Variants in N4BP2 observed in about 807,000 individuals in gnomAD.
N4BP2 encodes NEDD4 binding protein 2, also known as NEDD4-binding protein 2.
In N4BP2, 91 loss-of-function variants were observed where a neutral mutation model predicts 152.8. The observed-to-expected ratio is 0.60, with a 90% CI of 0.50 to 0.71. The LOEUF is 0.71. N4BP2 is among the 30% of genes least tolerant of loss of function. The probability of loss-of-function intolerance (pLI) is 0.00; values close to 1 mark genes in which losing one functional copy is unlikely to be tolerated. For synonymous variants in N4BP2, 646 were observed against 705.3 expected (o/e 0.92, Z 1.33); for missense variants, 1,923 against 2,059.1 (o/e 0.93, Z 1.28).
intron 1 of N4BP2, among the ~76,000 whole-genome samples, chr4:40,059,037 T>A (rs1156875175): frequency 6.6e-6 from 1 of 151,904 alleles, no homozygotes; most frequent in Non-Finnish European, 1.5e-5. Context: ...CCCAGGCTGG[T>A]CTCAAACCCC....
At chr4:40,137,229 A>G (rs976750462) in intron 14 of N4BP2, 147 bp downstream of exon 14, 1 of 666,816 alleles carries the variant, frequency 1.5e-6, no homozygotes, top group African/African-American at 1.8e-5. Context: ...TTTGGCTTAT[A>G]ATATCTGTGC....
intron 1 of N4BP2, among the ~76,000 whole-genome samples, chr4:40,069,274 CA>C (rs200845582): frequency 0.021 from 3,127 of 151,880 alleles, 111 homozygotes; most frequent in African/African-American, 0.07. Context: ...TCCGTTTCTA[CA>C]AAAAAATGCA....
chr4:40,147,153 C>T (rs952385233), intron 16 of N4BP2, among the ~76,000 whole-genome samples: 80 of 150,106 alleles, frequency 5.3e-4, no homozygotes, highest in Non-Finnish European at 3.9e-4. Context: ...TTTAACAAAG[C>T]ACATCTTGCA....
intron 1 of N4BP2, among the ~76,000 whole-genome samples, chr4:40,062,300 G>T (rs1034824617): frequency 1.3e-5 from 2 of 151,788 alleles, no homozygotes; most frequent in African/African-American, 4.8e-5. Flanking sequence ...GGATAGTCTC[G>T]ATCTCCTGAC....
intron 17 of N4BP2, 27 bp downstream of exon 17, chr4:40,152,930 A>G (rs1194909769): frequency 1.2e-6 from 2 of 1,609,908 alleles, no homozygotes; most frequent in Non-Finnish European, 1.7e-6. Context: ...GTTATTAATA[A>G]TGGCAACTGC....
chr4:40,144,680 A>G lies in N4BP2; in HGVS notation c.5023A>G (p.Ile1675Val), dbSNP rs1720343799. 4 of 1,613,884 alleles carry G rather than the reference A, an allele frequency of 2.5e-6. No individual in the cohort carries two copies. Among genetic ancestry groups the G allele is most frequent in the South Asian group, 2.2e-5 (2 of 91,018 alleles). Residue 1675 changes from isoleucine (I) to valine (V), a missense_variant, in exon 16 of 18, where the codon ATA (isoleucine) becomes GTA (valine). Ile to Val is a conservative substitution (Grantham distance 29). Coordinates refer to ENST00000261435, the MANE Select transcript of N4BP2 (RefSeq NM_018177.6). The part of the protein sequence containing the change: ...KMKEANHLAA[I>V]EIFEKVNASL... ...GAAAGAAGCCAATCACCTTGCTGCC[A>G]TAGAGATCTTTGAGAAAGTCAATGC...
chr4:40,059,065 A>G (rs891936288), intron 1 of N4BP2, among the ~76,000 whole-genome samples: 8 of 152,026 alleles, frequency 5.3e-5, no homozygotes, highest in African/African-American at 1.9e-4. Flanking sequence ...AAGCAATCCA[A>G]CTGCCTCCGC....
At chr4:40,058,124 A>AC (rs1255533120) in intron 1 of N4BP2, among the ~76,000 whole-genome samples, 2 of 152,184 alleles carry the variant, frequency 1.3e-5, no homozygotes, top group African/African-American at 4.8e-5. Context: ...ACAATGACTG[A>AC]TTTGCAGCTG....
chr4:40,089,726 T>C (rs1192103394), intron 2 of N4BP2, among the ~76,000 whole-genome samples: 1 of 152,092 alleles, frequency 6.6e-6, no homozygotes, highest in Non-Finnish European at 1.5e-5. Flanking sequence ...CATGAGCCAC[T>C]GCACCCAGCC....
chr4:40,122,260 A>G lies in N4BP2; in HGVS notation c.4149A>G (p.Glu1383=). The G allele has an allele frequency of 1.3e-6, 2 of 1,594,184 alleles. No homozygotes were observed. The highest frequency in any genetic ancestry group is 3.6e-5 in the Admixed American group (2 of 56,136). The change falls in exon 9 of 18, where the codon GAA becomes GAG. Residue 1383 remains glutamate, a synonymous_variant. Coordinates refer to ENST00000261435, the MANE Select transcript of N4BP2 (RefSeq NM_018177.6). ...IDCLELALPP[E]LAFQLNELFG... ...GTCTGGAATTGGCATTACCCCCTGA[A>G]CTGGCTTTTCAACTTAATGAATTAT... is the stretch of plus-strand genomic sequence containing the variant.
chr4:40,086,248 C>T (rs1257793754), intron 2 of N4BP2, among the ~76,000 whole-genome samples: 1 of 151,372 alleles, frequency 6.6e-6, no homozygotes, highest in East Asian at 1.9e-4. Flanking sequence ...AACCATCATG[C>T]CTGGACAAGT....
chr4:40,159,632 A>G (rs148080024), downstream of N4BP2, among the ~76,000 whole-genome samples: 15 of 152,302 alleles, frequency 9.8e-5, no homozygotes, highest in South Asian at 2.1e-4. Context: ...CTTACGTCCT[A>G]TTGACCAGAA....
intron 3 of N4BP2, among the ~76,000 whole-genome samples, chr4:40,100,941 A>G (rs1715588031): frequency 6.6e-6 from 1 of 152,132 alleles, no homozygotes; most frequent in Admixed American, 6.5e-5. Context: ...TAAAATTAAT[A>G]TTTCTTAACA....
At chr4:40,107,571 ACGGGGT>A (rs1716431616) in intron 5 of N4BP2, among the ~76,000 whole-genome samples, 1 of 151,660 alleles carries the variant, frequency 6.6e-6, no homozygotes, top group Non-Finnish European at 1.5e-5. Context: ...TTTTATAGAG[ACGGGGT>A]TTCCCCGTGT....
At chr4:40,097,828 A>G (rs868839829) in intron 3 of N4BP2, among the ~76,000 whole-genome samples, 1 of 152,200 alleles carries the variant, frequency 6.6e-6, no homozygotes, top group African/African-American at 2.4e-5. Context: ...TGTCTCTTTC[A>G]TCTTCACTCT....
At chr4:40,110,823 G>A (rs373636197) in intron 5 of N4BP2, among the ~76,000 whole-genome samples, 6 of 152,220 alleles carry the variant, frequency 3.9e-5, no homozygotes, top group African/African-American at 1.4e-4. Context: ...TAGGTGTGAG[G>A]TACCGTGCCC....
In N4BP2 at chr4:40,121,563, G is replaced by A. The variant is rs1486792774; in HGVS notation, c.3452G>A (p.Gly1151Glu). ...FQKSCDGSQI[G>E]PFSLGLNLKE... Reference sequence around the variant, plus strand: ...AAATCGTGTGATGGATCACAAATTGGGCCTTTTTCTCTGGGGTTGAATTTG... The same window carrying A: ...AAATCGTGTGATGGATCACAAATTGAGCCTTTTTCTCTGGGGTTGAATTTG... The change falls in exon 9 of 18, where the codon GGG becomes GAG. Residue 1151 changes from glycine (G) to glutamate (E), a missense_variant. Physicochemically the swap from Gly to Glu is moderately conservative, Grantham distance 98 (BLOSUM62 -2). Transcript: ENST00000261435. 2.5e-6 allele frequency: 4 copies of A among 1,613,928 alleles called. No individual in the cohort carries two copies. The highest frequency in any genetic ancestry group is 2.5e-6 in the Non-Finnish European group (3 of 1,179,988).
chr4:40,181,582 G>A, the N4BP2 span, among the ~76,000 whole-genome samples: 2 of 152,050 alleles, frequency 1.3e-5, no homozygotes, highest in African/African-American at 2.4e-5. Context: ...TTGTTCCTCC[G>A]AGCTCAACTC....
At chr4:40,114,826 T>C (rs1311940423) in intron 7 of N4BP2, among the ~76,000 whole-genome samples, 1 of 152,338 alleles carries the variant, frequency 6.6e-6, no homozygotes, top group Non-Finnish European at 1.5e-5. Flanking sequence ...TGAGAATGTT[T>C]AGTTGGAATT....
Sources: gnomAD v4.1 joint callset for allele counts (sites outside exome capture counted in the v4.1 genomes callset) on GRCh38, gnomAD v4.1.1 for gene constraint, MANE v1.5 for transcripts, NCBI Gene and HGNC (gene_info 2026-07-23, HGNC 2026-07-21) for gene names.